The following NEU3 variants were observed in gnomAD, a reference collection of about 807,000 sequenced individuals.
NEU3 encodes sialidase-3.
Under a neutral mutation model 11.4 loss-of-function variants are expected in NEU3, and 10 were observed. The observed-to-expected ratio is 0.88, with a 90% CI of 0.54 to 1.49. The LOEUF (loss-of-function observed/expected upper bound fraction) is 1.49. NEU3 is among the 40% of genes most tolerant of loss of function. The probability of loss-of-function intolerance (pLI) is 0.00; values close to 1 mark genes in which losing one functional copy is unlikely to be tolerated. For synonymous variants in NEU3, 212 were observed against 228.2 expected, an observed-to-expected ratio of 0.93 and a Z score of 0.64; for missense variants, 529 against 581.8, an observed-to-expected ratio of 0.91 and a Z score of 0.93.
At chr11:74,998,742 G>A (rs765156190) in intron 2 of NEU3, among the ~76,000 whole-genome samples, 16 of 152,152 alleles carry the variant, frequency 1.1e-4, no homozygotes, top group Non-Finnish European at 1.9e-4. Context: ...TTCTCTTGGT[G>A]AAGTTTTTTA....
In NEU3 at chr11:74,988,951, T is replaced by A; in HGVS notation, c.-110T>A. The A allele has an allele frequency of 1.2e-6, 1 of 833,474 alleles. No individual in the cohort carries two copies. The highest frequency in any genetic ancestry group is 1.5e-5 in the South Asian group (1 of 65,664). The allele number at this position is 833,474 out of a possible 1,614,324, so 51.6% of individuals were successfully genotyped here. ...TTCCGGCAGTCGACACGCTCTTCGC[T>A]TCTCGGGGCTTGTCTCCGTGTCCTC... On this transcript the variant is annotated 5_prime_UTR_variant, in exon 1 of 3. Transcript: ENST00000294064.
chr11:74,994,808 G>A (rs1948771531), intron 2 of NEU3, 88 bp downstream of exon 2: 1 of 1,226,894 alleles, frequency 8.2e-7, no homozygotes, highest in Non-Finnish European at 1.2e-6. Flanking sequence ...TTTCTCATCA[G>A]TACAGGAAAG....
chr11:74,990,286 A>T (rs933203407), intron 1 of NEU3: 1 of 414,360 alleles, frequency 2.4e-6, no homozygotes, highest in African/African-American at 2.1e-5. Flanking sequence ...CAAGAAATGG[A>T]GCTGAGACTT....
intron 1 of NEU3, 112 bp from the exon 2 acceptor site, chr11:74,994,397 A>G (rs1442377845): frequency 4.3e-6 from 3 of 694,802 alleles, no homozygotes; most frequent in Non-Finnish European, 7.2e-6. Context: ...ACATTTGAAT[A>G]TATCTGTGCC....
At chr11:74,990,575 G>T (rs1218302219) in intron 1 of NEU3, among the ~76,000 whole-genome samples, 1 of 152,050 alleles carries the variant, frequency 6.6e-6, no homozygotes, top group Non-Finnish European at 1.5e-5. Context: ...GGCCAGGGTG[G>T]TCTCGAACTC....
chr11:75,010,751 T>TA lies in NEU3; in HGVS notation c.*4260dup, dbSNP rs1435346170. ...TGTCCCTAATTGGGTTTTCTATAGT[T>TA]ACTAGTTTTCCAGGCCTCCAAGGGA... is the stretch of plus-strand genomic sequence containing the variant. On this transcript the variant is annotated 3_prime_UTR_variant, in exon 3 of 3. Coordinates refer to ENST00000294064, the MANE Select transcript of NEU3 (RefSeq NM_006656.6). 1 of 152,176 alleles carries TA rather than the reference T, an allele frequency of 6.6e-6. No individual in the cohort carries two copies. Among genetic ancestry groups the TA allele is most frequent in the Non-Finnish European group, 1.5e-5 (1 of 68,044 alleles). 9.4% of individuals were successfully genotyped at this position (152,176 alleles called of 1,614,324 possible). A position where few individuals can be genotyped will look rare whatever the true frequency, so the allele number is the denominator to read the frequency against.
At position 74,989,204 on chromosome 11, in the gene NEU3, G is replaced by A. The variant is rs1196341271; in HGVS notation, c.94+50G>A. 4 of 1,442,440 alleles carry A rather than the reference G, an allele frequency of 2.8e-6. No homozygotes were observed. The African/African-American group carries it at 5.6e-5, about 20-fold the overall frequency. 89.4% of individuals were successfully genotyped at this position (1,442,440 alleles called of 1,614,324 possible). A position where few individuals can be genotyped will look rare whatever the true frequency, so the allele number is the denominator to read the frequency against. ...AGCTCCCCGAGGAGGACTCAACTGT[G>A]GGGACAGGTTGAGCAAGACCATCTG... On this transcript the variant is annotated intron_variant, in intron 1 of 2. Transcript: ENST00000294064.
downstream of NEU3, among the ~76,000 whole-genome samples, chr11:75,019,464 A>G (rs186002891): frequency 2.1e-3 from 320 of 152,364 alleles, 1 homozygote; most frequent in African/African-American, 7.4e-3. Context: ...AAAGGGGCCA[A>G]TGTAGAGCTT....
chr11:74,987,788 G>T (rs1245440402), upstream of NEU3, among the ~76,000 whole-genome samples: 1 of 151,714 alleles, frequency 6.6e-6, no homozygotes, highest in Non-Finnish European at 1.5e-5. Flanking sequence ...ACTCCAGCCT[G>T]GGCGGCAGAG....
chr11:74,993,074 A>T (rs529188396), intron 1 of NEU3, among the ~76,000 whole-genome samples: 2 of 152,318 alleles, frequency 1.3e-5, no homozygotes, highest in Non-Finnish European at 1.5e-5. Context: ...TAGCTCCTTA[A>T]TCTGCCCTCA....
intron 2 of NEU3, among the ~76,000 whole-genome samples, chr11:75,000,623 A>ATT (rs201642187): frequency 7.0e-6 from 1 of 142,802 alleles, no homozygotes. Flanking sequence ...TTGTTTATAC[A>ATT]TTTTTTTTTT....
At chr11:75,013,640 G>A (rs187380509), downstream of NEU3, among the ~76,000 whole-genome samples, 1 of 152,328 alleles carries the variant, frequency 6.6e-6, no homozygotes, top group East Asian at 1.9e-4. Flanking sequence ...GACTTGGTCT[G>A]AGTGGTCTCT....
At chr11:74,989,269 A>G (rs981485083) in intron 1 of NEU3, 115 bp downstream of exon 1, 1 of 826,630 alleles carries the variant, frequency 1.2e-6, no homozygotes, top group Non-Finnish European at 2.0e-6. Flanking sequence ...AGACAGAGCC[A>G]CCTAGTCGGC....
rs372662449 is a variant in NEU3, at chr11:75,005,509, C to T, written c.403C>T (p.Leu135=). 4 of 1,613,842 alleles carry T rather than the reference C, an allele frequency of 2.5e-6. No homozygotes were observed. The African/African-American group carries it at 5.3e-5, about 22-fold the overall frequency. Residue 135 remains leucine (L), a synonymous_variant, in exon 3 of 3, where the codon CTG becomes TTG. Coordinates refer to ENST00000294064, the MANE Select transcript of NEU3 (RefSeq NM_006656.6). ...GGAGCAGAAGAGTGGTTGTGTGTTCCTGTTCTTCATCTGTGTGCGGGGCCA... is the reference window on the plus strand; with the variant it reads ...GGAGCAGAAGAGTGGTTGTGTGTTCTTGTTCTTCATCTGTGTGCGGGGCCA... ...VWEQKSGCVF[L]FFICVRGHVT...
intron 3 of NEU3, among the ~76,000 whole-genome samples, chr11:75,017,416 G>A (rs752104919): frequency 2.8e-4 from 42 of 152,268 alleles, no homozygotes; most frequent in Non-Finnish European, 5.4e-4. Flanking sequence ...TGCTACTGTT[G>A]GTGCCCCATA....
chr11:75,010,963 G>A (rs577569670), downstream of NEU3: 1 of 151,570 alleles, frequency 6.6e-6, no homozygotes, highest in South Asian at 2.1e-4. Context: ...TATCTAGTTT[G>A]TACCCAACTT....
chr11:74,999,964 A>C (rs1948826594), intron 2 of NEU3, among the ~76,000 whole-genome samples: 1 of 152,156 alleles, frequency 6.6e-6, no homozygotes, highest in African/African-American at 2.4e-5. Context: ...GGCCCCTTGA[A>C]AATTGTGATT....
chr11:75,014,018 G>GTATC (rs1948970954), downstream of NEU3, among the ~76,000 whole-genome samples: 1 of 152,152 alleles, frequency 6.6e-6, no homozygotes, highest in South Asian at 2.1e-4. Flanking sequence ...CTGTAATAAT[G>GTATC]TATCTTACAG....
intron 2 of NEU3, among the ~76,000 whole-genome samples, 156 bp from the exon 3 acceptor site, chr11:75,005,257 G>A (rs1473516518): frequency 6.6e-6 from 1 of 152,182 alleles, no homozygotes; most frequent in Non-Finnish European, 1.5e-5. Flanking sequence ...AAGTTATCCT[G>A]TAATATCCGA....
Sources: gnomAD v4.1 joint callset for allele counts (sites outside exome capture counted in the v4.1 genomes callset) on GRCh38, gnomAD v4.1.1 for gene constraint, MANE v1.5 for transcripts, NCBI Gene and HGNC (gene_info 2026-07-23, HGNC 2026-07-21) for gene names.